Variants in PPP1R12B observed in about 807,000 individuals in gnomAD.
PPP1R12B encodes protein phosphatase 1 regulatory subunit 12B.
Under a neutral mutation model 126.1 loss-of-function variants are expected in PPP1R12B, and 76 were observed. The ratio of observed to expected loss-of-function variants is 0.60; its 90% CI spans 0.50 to 0.73. The LOEUF (loss-of-function observed/expected upper bound fraction) is 0.73, where lower values mean the gene tolerates loss of function less well. PPP1R12B is among the 30% of genes least tolerant of loss of function. The pLI is 0.00. For synonymous variants in PPP1R12B, 356 were observed against 434.7 expected, an observed-to-expected ratio of 0.82 and a Z score of 2.25; for missense variants, 1,052 against 1,205.1, an observed-to-expected ratio of 0.87 and a Z score of 1.88.
chr1:202,464,118 C>G (rs1463928728), intron 13 of PPP1R12B, among the ~76,000 whole-genome samples: 1 of 152,108 alleles, frequency 6.6e-6, no homozygotes, highest in East Asian at 1.9e-4. Flanking sequence ...ACACCTGAGC[C>G]CCAGGCTAAA....
intron 1 of PPP1R12B, among the ~76,000 whole-genome samples, chr1:202,390,464 G>C (rs1251987432): frequency 1.3e-5 from 2 of 151,904 alleles, no homozygotes; most frequent in East Asian, 3.9e-4. Context: ...AGCAACAAAA[G>C]AAAAAATAAT....
At chr1:202,469,710 C>T (rs1305100886) in intron 13 of PPP1R12B, among the ~76,000 whole-genome samples, 2 of 151,942 alleles carry the variant, frequency 1.3e-5, no homozygotes, top group African/African-American at 2.4e-5. Context: ...AATATGCCAC[C>T]GAGTCTTAGA....
Position 202,352,172 on chromosome 1 carries a change from G to C in PPP1R12B, c.291+3030G>C, listed in dbSNP as rs552456248. Among the ~76,000 whole-genome samples the C allele has an allele frequency of 2.6e-5, 4 of 152,252 alleles. 1 individual carries two copies. The South Asian group carries it at 8.3e-4, about 32-fold the overall frequency. On this transcript the variant is annotated intron_variant, in intron 1 of 23. Transcript: ENST00000608999. ...TTGAAAGCACTTGTTTGCTCACAAA[G>C]GAATTTCTGTTTCATTTGCGTATAC...
At position 202,470,129 on chromosome 1, in the gene PPP1R12B, G is replaced by A. The variant is rs534711430; in HGVS notation, c.1851-18404G>A. 1.8e-3 allele frequency among the ~76,000 whole-genome samples: 267 copies of A among 152,286 alleles called. 2 individuals carry two copies. The highest frequency in any genetic ancestry group is 0.017 in the Middle Eastern group (5 of 294). On this transcript the variant is annotated intron_variant, in intron 13 of 23. Transcript: ENST00000608999. ...AGACGAGTCTGTGAATCTACTGGTC[G>A]TAATACAGAGAGTCCACCTATGCTA...
chr1:202,467,641 G>T (rs1395623458), intron 13 of PPP1R12B, among the ~76,000 whole-genome samples: 1 of 152,158 alleles, frequency 6.6e-6, no homozygotes, highest in African/African-American at 2.4e-5. Context: ...CATTTGGGTT[G>T]GTTCCAAGTC....
intron 12 of PPP1R12B, chr1:202,448,687 C>T: frequency 3.0e-6 from 1 of 329,254 alleles, no homozygotes; most frequent in South Asian, 4.1e-5. Context: ...TTAAAACACT[C>T]TTGCATATGT....
chr1:202,414,528 A>C (rs1389441809), intron 1 of PPP1R12B, among the ~76,000 whole-genome samples: 1 of 152,172 alleles, frequency 6.6e-6, no homozygotes, highest in East Asian at 1.9e-4. Flanking sequence ...CTTATCAGAA[A>C]AGTGAATACT....
At chr1:202,517,630 C>T (rs1682306799) in intron 18 of PPP1R12B, among the ~76,000 whole-genome samples, 1 of 147,732 alleles carries the variant, frequency 6.8e-6, no homozygotes, top group East Asian at 2.0e-4. Flanking sequence ...AATGAGGTAT[C>T]TTTTTTTTTT....
intron 1 of PPP1R12B, among the ~76,000 whole-genome samples, chr1:202,404,692 G>A (rs546897272): frequency 9.2e-5 from 14 of 152,076 alleles, no homozygotes; most frequent in African/African-American, 2.4e-4. Context: ...TAGTAGAGAC[G>A]GGGTTTCACT....
Position 202,402,825 on chromosome 1 carries a change from G to A in PPP1R12B, c.292-13962G>A, listed in dbSNP as rs1666042809. ...CTTAGTGAATGTATACCTAAGATTCGTGCTTTTCACTGTATGTAAATTTTA... is the reference window on the plus strand; with the variant it reads ...CTTAGTGAATGTATACCTAAGATTCATGCTTTTCACTGTATGTAAATTTTA... On this transcript the variant is annotated intron_variant, in intron 1 of 23. Transcript: ENST00000608999. Among the ~76,000 whole-genome samples the A allele has an allele frequency of 3.3e-5, 5 of 152,138 alleles. No individual in the cohort carries two copies. In the South Asian group the frequency reaches 1.0e-3, roughly 31 times the overall value.
chr1:202,380,059 C>T (rs1224892044), intron 1 of PPP1R12B, among the ~76,000 whole-genome samples: 1 of 152,118 alleles, frequency 6.6e-6, no homozygotes, highest in African/African-American at 2.4e-5. Context: ...CAACCTCATT[C>T]ACATACCTTC....
chr1:202,439,448 G>A, intron 10 of PPP1R12B: 5 of 1,374,234 alleles, frequency 3.6e-6, no homozygotes, highest in Non-Finnish European at 5.1e-6. Flanking sequence ...ACCCCAGCTG[G>A]CTGCCCGCCA....
chr1:202,425,471 T>C, intron 3 of PPP1R12B, 95 bp from the exon 4 acceptor site: 1 of 1,310,368 alleles, frequency 7.6e-7, no homozygotes, highest in African/African-American at 1.5e-5. Context: ...TTATTTGTAT[T>C]TATGTTTATG....
intron 18 of PPP1R12B, among the ~76,000 whole-genome samples, chr1:202,516,396 T>C (rs1220682093): frequency 6.6e-6 from 1 of 152,132 alleles, no homozygotes; most frequent in Non-Finnish European, 1.5e-5. Context: ...TCCTCTGTAA[T>C]CACATCCAGT....
intron 1 of PPP1R12B, among the ~76,000 whole-genome samples, chr1:202,414,733 T>C (rs1020764834): frequency 6.6e-6 from 1 of 152,196 alleles, no homozygotes; most frequent in Non-Finnish European, 1.5e-5. Context: ...TTTTAAAAAG[T>C]GGCTAGTTCA....
chr1:202,466,900 C>G (rs1413972481), intron 13 of PPP1R12B, among the ~76,000 whole-genome samples: 1 of 152,118 alleles, frequency 6.6e-6, no homozygotes, highest in Non-Finnish European at 1.5e-5. Flanking sequence ...AATTGTCTTA[C>G]ATGTCACCCA....
At chr1:202,414,863 G>A (rs1667859758) in intron 1 of PPP1R12B, among the ~76,000 whole-genome samples, 1 of 152,138 alleles carries the variant, frequency 6.6e-6, no homozygotes, top group African/African-American at 2.4e-5. Flanking sequence ...GCTCACTGCA[G>A]CCTCGACCTC....
At chr1:202,442,304 G>A in intron 11 of PPP1R12B, 143 bp from the exon 12 acceptor site, 1 of 888,806 alleles carries the variant, frequency 1.1e-6, no homozygotes, top group Non-Finnish European at 1.6e-6. Flanking sequence ...CAGAAAACTG[G>A]TATATAAAAC....
Position 202,442,463 on chromosome 1 carries a change from C to G in PPP1R12B, c.1558C>G (p.Leu520Val), listed in dbSNP as rs751659802. ...CTTCTACAGAGAATCAGCTGTTAAT[C>G]TAGTGAGGAGTGGCTCCTATACCCG... ...EKENRESAVN[L>V]VRSGSYTRQL... is the part of the protein sequence containing the mutation. The change falls in exon 12 of 24, where the codon CTA (leucine) becomes GTA (valine). Residue 520 changes from leucine (L) to valine (V), a missense_variant. Physicochemically the swap from Leu to Val is conservative, Grantham distance 32. Transcript: ENST00000608999. The G allele has an allele frequency of 6.2e-7, 1 of 1,610,730 alleles. No individual in the cohort carries two copies. Among genetic ancestry groups the G allele is most frequent in the Non-Finnish European group, 8.5e-7 (1 of 1,178,982 alleles).
Sources: gnomAD v4.1 joint callset for allele counts (sites outside exome capture counted in the v4.1 genomes callset) on GRCh38, gnomAD v4.1.1 for gene constraint, MANE v1.5 for transcripts, NCBI Gene and HGNC (gene_info 2026-07-23, HGNC 2026-07-21) for gene names.